Variants in CARS1 observed in about 807,000 individuals in gnomAD.
CARS1 encodes cysteinyl-tRNA synthetase 1.
Under a neutral mutation model 106.2 loss-of-function variants are expected in CARS1, and 48 were observed. The ratio of observed to expected loss-of-function variants is 0.45; its 90% CI spans 0.36 to 0.57. The LOEUF (loss-of-function observed/expected upper bound fraction) is 0.57. Ranked by LOEUF, CARS1 falls within the 20% of genes least tolerant of loss-of-function variation. The pLI is 0.00. For missense variants in CARS1, 968 were observed against 1,057.2 expected, an observed-to-expected ratio of 0.92 and a Z score of 1.17; for synonymous variants, 409 against 403.4, an observed-to-expected ratio of 1.01 and a Z score of -0.17.
chr11:3,018,592 G>C (rs373853489), intron 13 of CARS1, 28 bp downstream of exon 13: 1 of 1,613,622 alleles, frequency 6.2e-7, no homozygotes, highest in Non-Finnish European at 8.5e-7. Flanking sequence ...AGGTGGTTGG[G>C]GGGTCTGTGG....
rs1171367314 is a variant in CARS1, at chr11:3,028,475, C to A, written c.1031+521G>T. On this transcript the variant is annotated intron_variant, in intron 9 of 22. Transcript: ENST00000380525. The surrounding 1 kb of genome is among the most constrained non-coding windows in gnomAD (Gnocchi z 4.4). ...CACACTACAGACAGATAACCGGGTT[C>A]CTGTCTGCATTTCCATTTGTTGGCC... is the stretch of plus-strand genomic sequence containing the variant. The A allele has an allele frequency of 4.8e-6, 1 of 208,032 alleles. No individual in the cohort carries two copies. Among genetic ancestry groups the A allele is most frequent in the Non-Finnish European group, 9.4e-6 (1 of 105,948 alleles). 12.9% of individuals were successfully genotyped at this position (208,032 alleles called of 1,614,324 possible). A position where few individuals can be genotyped will look rare whatever the true frequency, so the allele number is the denominator to read the frequency against.
chr11:3,026,823 G>A (rs369932818), intron 9 of CARS1, 26 bp from the exon 10 acceptor site: 2 of 1,601,954 alleles, frequency 1.2e-6, no homozygotes, highest in African/African-American at 2.7e-5. Context: ...GGAATTGGGT[G>A]GGTGCATCTA....
chr11:3,030,870 C>G lies in CARS1; in HGVS notation c.802-1427G>C, dbSNP rs1028319169. Reference sequence around the variant, plus strand: ...TATTAACAGGCGAAACAGTCTTATCCATCCTACTGAGTGACTGTTTCACTT... The same window carrying G: ...TATTAACAGGCGAAACAGTCTTATCGATCCTACTGAGTGACTGTTTCACTT... On this transcript the variant is annotated intron_variant, in intron 7 of 22. Transcript: ENST00000380525. This position sits in a 1 kb window ranked among gnomAD's most constrained non-coding sequence, Gnocchi z 5.7. The G allele has an allele frequency of 3.9e-5, 6 of 152,198 alleles. No homozygotes were observed. Among genetic ancestry groups the G allele is most frequent in the African/African-American group, 1.4e-4 (6 of 41,438 alleles). 9.4% of individuals were successfully genotyped at this position (152,198 alleles called of 1,614,324 possible).
intron 1 of CARS1, 49 bp downstream of exon 1, chr11:3,057,294 C>T: frequency 9.0e-6 from 14 of 1,558,004 alleles, no homozygotes; most frequent in South Asian, 1.1e-5. Flanking sequence ...CACCCAGCGC[C>T]CAGTCAGGCC....
Position 3,004,923 on chromosome 11 carries a change from T to C in CARS1, c.2217+443A>G, listed in dbSNP as rs1849713940. On this transcript the variant is annotated intron_variant, in intron 20 of 22. Coordinates refer to ENST00000380525, the MANE Select transcript of CARS1 (RefSeq NM_001014437.3). The surrounding 1 kb of genome is among the most constrained non-coding windows in gnomAD (Gnocchi z 5.2). The stretch of plus-strand genomic sequence containing the variant: ...GAGATTGAGACCAGCCTGACCAACA[T>C]GGTGAAACCCCATCTCTACTAAAAA... 6.6e-6 allele frequency among the ~76,000 whole-genome samples: 1 copy of C among 151,972 alleles called. No individual in the cohort carries two copies. The highest frequency in any genetic ancestry group is 2.4e-5 in the African/African-American group (1 of 41,356).
At position 3,001,962 on chromosome 11, in the gene CARS1, A is replaced by C; in HGVS notation, c.2361+8T>G. The C allele has an allele frequency of 6.3e-7, 1 of 1,598,706 alleles. No homozygotes were observed. On this transcript the variant is annotated splice_region_variant and intron_variant, in intron 22 of 22. Coordinates refer to ENST00000380525, the MANE Select transcript of CARS1 (RefSeq NM_001014437.3). ...CTGAATAGAAGAGAAGGATGCTTAC[A>C]TGCTTACATTTTCATCAAACTTGGA...
At position 3,015,848 on chromosome 11, in the gene CARS1, A is replaced by G. The variant is rs768720693; in HGVS notation, c.1919T>C (p.Ile640Thr). ...GCTGTCCTCTTCTACGGCCCCAAAG[A>G]TCTAGGAAAAGAAACAGATGGGACC... ...IALYLTHMLK[I>T]FGAVEEDSSL... Residue 640 changes from isoleucine (I) to threonine (T), a missense_variant and splice_region_variant, in exon 17 of 23, where the codon ATC becomes ACC. By Grantham distance (89) the Ile-to-Thr change is moderately conservative (BLOSUM62 -1). Transcript: ENST00000380525. The G allele has an allele frequency of 8.7e-6, 14 of 1,613,862 alleles. No homozygotes were observed. The highest frequency in any genetic ancestry group is 2.2e-5 in the South Asian group (2 of 91,082).
Position 3,029,000 on chromosome 11 carries a change from A to G in CARS1, c.1027T>C (p.Tyr343His). Residue 343 changes from tyrosine to histidine, a missense_variant, in exon 9 of 23, where the codon TAC becomes CAC. Physicochemically the swap from Tyr to His is moderately conservative, Grantham distance 83. Coordinates refer to ENST00000380525, the MANE Select transcript of CARS1 (RefSeq NM_001014437.3). The surrounding 1 kb of genome is among the most constrained non-coding windows in gnomAD (Gnocchi z 4.4). ...NFVQKIVDNG[Y>H]GYVSNGSVYF... is the part of the protein sequence containing the mutation. ...AGGGAAGGCCCTTGTGCTTACCCGT[A>G]ACCGTTGTCCACAATCTTCTGGACA... is the stretch of plus-strand genomic sequence containing the variant. 6.2e-7 allele frequency: 1 copy of G among 1,612,464 alleles called. No homozygotes were observed. The highest frequency in any genetic ancestry group is 8.5e-7 in the Non-Finnish European group (1 of 1,178,552).
Position 3,019,759 on chromosome 11 carries a change from G to A in CARS1, c.1266+461C>T, listed in dbSNP as rs1851399112. Among the ~76,000 whole-genome samples the A allele has an allele frequency of 2.0e-5, 3 of 151,610 alleles. No individual in the cohort carries two copies. Among genetic ancestry groups the A allele is most frequent in the South Asian group, 4.2e-4 (2 of 4,796 alleles). On this transcript the variant is annotated intron_variant, in intron 11 of 22. Coordinates refer to ENST00000380525, the MANE Select transcript of CARS1 (RefSeq NM_001014437.3). This position sits in a 1 kb window ranked among gnomAD's most constrained non-coding sequence, Gnocchi z 6.2. ...CCTTCTTTGGTGAAGTTCATAAACC[G>A]GTCCTATGTGGGCCGAGGTTTAGGT...
intron 19 of CARS1, 112 bp from the exon 20 acceptor site, chr11:3,005,545 G>C: frequency 1.4e-6 from 1 of 712,372 alleles, no homozygotes; most frequent in Non-Finnish European, 2.4e-6. Context: ...TGCCCAGTCA[G>C]AGCGAGGGCC....
rs753161309 is a variant in CARS1, at chr11:3,017,713, G to A, written c.1727+144C>T. On this transcript the variant is annotated intron_variant, in intron 15 of 22. Coordinates refer to ENST00000380525, the MANE Select transcript of CARS1 (RefSeq NM_001014437.3). The surrounding 1 kb of genome is among the most constrained non-coding windows in gnomAD (Gnocchi z 4.9). ...CAGAGCAGCTCCCATTAGCAGAGCC[G>A]CCTATCCTGAATTAATTCTGCACAA... The A allele has an allele frequency of 9.6e-6, 6 of 621,970 alleles. No individual in the cohort carries two copies. Among genetic ancestry groups the A allele is most frequent in the Admixed American group, 9.2e-5 (3 of 32,580 alleles). The allele number at this position is 621,970 out of a possible 1,614,324, so 38.5% of individuals were successfully genotyped here.
At chr11:3,018,310 G>T in intron 14 of CARS1, 98 bp downstream of exon 14, 1 of 776,084 alleles carries the variant, frequency 1.3e-6, no homozygotes, top group Non-Finnish European at 2.2e-6. Context: ...CTCCATTAGA[G>T]ACATCGGGAG....
rs1045729484 is a variant in CARS1, at chr11:3,022,529, A to G, written c.1154-2197T>C. On this transcript the variant is annotated intron_variant, in intron 10 of 22. Coordinates refer to ENST00000380525, the MANE Select transcript of CARS1 (RefSeq NM_001014437.3). The surrounding 1 kb of genome is among the most constrained non-coding windows in gnomAD (Gnocchi z 4.9). ...CAACCCCTGGTATCCCGGTATACTGACTCGCTGTGCATTGGGCAACAGACC... is the reference window on the plus strand; with the variant it reads ...CAACCCCTGGTATCCCGGTATACTGGCTCGCTGTGCATTGGGCAACAGACC... Among the ~76,000 whole-genome samples the G allele has an allele frequency of 1.3e-5, 2 of 152,062 alleles. No homozygotes were observed. The highest frequency in any genetic ancestry group is 2.9e-5 in the Non-Finnish European group (2 of 68,020).
intron 10 of CARS1, among the ~76,000 whole-genome samples, chr11:3,024,321 C>G (rs1237159844): frequency 6.6e-6 from 1 of 152,198 alleles, no homozygotes; most frequent in African/African-American, 2.4e-5. Flanking sequence ...TTAAACACCC[C>G]TGATTTCCCA....
Position 3,029,576 on chromosome 11 carries a change from C to T in CARS1, c.802-133G>A. On this transcript the variant is annotated intron_variant, in intron 7 of 22. Coordinates refer to ENST00000380525, the MANE Select transcript of CARS1 (RefSeq NM_001014437.3). The surrounding 1 kb of genome is among the most constrained non-coding windows in gnomAD (Gnocchi z 5.9). ...CTTGACCTGTGAAGAGCCACCGTCTCCTAGGGAGACTGTGATGCTTACACA... is the reference window on the plus strand; with the variant it reads ...CTTGACCTGTGAAGAGCCACCGTCTTCTAGGGAGACTGTGATGCTTACACA... 1.2e-6 allele frequency: 1 copy of T among 859,794 alleles called. No homozygotes were observed. The highest frequency in any genetic ancestry group is 1.7e-5 in the South Asian group (1 of 57,484). The allele number at this position is 859,794 out of a possible 1,614,324, so 53.3% of individuals were successfully genotyped here. A position where few individuals can be genotyped will look rare whatever the true frequency, so the allele number is the denominator to read the frequency against.
At chr11:3,006,003 G>C (rs1369530967) in intron 19 of CARS1, among the ~76,000 whole-genome samples, 1 of 152,214 alleles carries the variant, frequency 6.6e-6, no homozygotes, top group African/African-American at 2.4e-5. Flanking sequence ...ACCAGGGGCA[G>C]AGTGGAAGAG....
At position 3,018,517 on chromosome 11, in the gene CARS1, G is replaced by A; in HGVS notation, c.1526-6C>T. The A allele has an allele frequency of 6.2e-7, 1 of 1,613,346 alleles. No individual in the cohort carries two copies. The highest frequency in any genetic ancestry group is 8.5e-7 in the Non-Finnish European group (1 of 1,179,260). On this transcript the variant is annotated splice_region_variant and splice_polypyrimidine_tract_variant and intron_variant, in intron 13 of 22. Transcript: ENST00000380525. ...GGCCAGCCGCAACTGCCGTGCTGTG[G>A]GGGGACACAAGACAGCCAACGCCCT...
chr11:3,014,034 C>T, intron 17 of CARS1, among the ~76,000 whole-genome samples: 1 of 152,086 alleles, frequency 6.6e-6, no homozygotes, highest in Non-Finnish European at 1.5e-5. Context: ...TCCCTGAGAC[C>T]CAATTCTGCA....
At position 3,039,097 on chromosome 11, in the gene CARS1, C is replaced by T. The variant is rs1198783935; in HGVS notation, c.651+97G>A. ...TGAGTAACATACACTTTGTGAAAGC[C>T]TGTGAGACTGACACTACCCTAGGGA... On this transcript the variant is annotated intron_variant, in intron 6 of 22. Transcript: ENST00000380525. This position sits in a 1 kb window ranked among gnomAD's most constrained non-coding sequence, Gnocchi z 5.6. 3 of 761,566 alleles carry T rather than the reference C, an allele frequency of 3.9e-6. No individual in the cohort carries two copies. 47.2% of individuals were successfully genotyped at this position (761,566 alleles called of 1,614,324 possible).
Sources: allele counts gnomAD v4.1 joint callset (sites outside exome capture counted in the v4.1 genomes callset), GRCh38; gene constraint gnomAD v4.1.1; non-coding constraint Gnocchi (gnomAD v3.1); transcripts MANE v1.5; gene names NCBI Gene and HGNC (gene_info 2026-07-23, HGNC 2026-07-21).